The following SMURF2 variants were observed in gnomAD, a reference collection of about 807,000 sequenced individuals.
SMURF2 encodes the protein E3 ubiquitin-protein ligase SMURF2.
A neutral mutation model predicts 109.6 loss-of-function variants in SMURF2; 48 were observed. The observed-to-expected ratio is 0.44, with a 90% CI of 0.35 to 0.56. SMURF2 has a LOEUF of 0.56. SMURF2 is among the 20% of genes least tolerant of loss of function. SMURF2 has a pLI of 0.01. For missense variants in SMURF2, 575 were observed against 909.0 expected (o/e 0.63, Z 4.72); for synonymous variants, 288 against 317.1 (o/e 0.91, Z 0.97).
At chr17:64,661,740 G>A in intron 1 of SMURF2, 89 bp downstream of exon 1, 1 of 976,646 alleles carries the variant, frequency 1.0e-6, no homozygotes, top group Non-Finnish European at 1.3e-6. Flanking sequence ...ATCATTGATC[G>A]CGACCCTGGC....
intron 5 of SMURF2, among the ~76,000 whole-genome samples, chr17:64,587,290 A>G (rs1223119990): frequency 3.3e-5 from 5 of 152,254 alleles, no homozygotes; most frequent in Non-Finnish European, 7.3e-5. Context: ...ACAGGACACC[A>G]TTATCCAGTG....
intron 15 of SMURF2, among the ~76,000 whole-genome samples, chr17:64,554,023 AG>A (rs1969082650): frequency 6.6e-6 from 1 of 152,244 alleles, no homozygotes; most frequent in Non-Finnish European, 1.5e-5. Flanking sequence ...AAGCCAAATT[AG>A]CCCAATACAT....
At chr17:64,576,389 C>A (rs1969490661) in intron 9 of SMURF2, among the ~76,000 whole-genome samples, 1 of 151,976 alleles carries the variant, frequency 6.6e-6, no homozygotes, top group South Asian at 2.1e-4. Context: ...TAGGGCCAGG[C>A]ACAGTGGCTC....
rs782109881 is a variant in SMURF2, at chr17:64,598,425, C to G, written c.157G>C (p.Val53Leu). 6.2e-7 allele frequency: 1 copy of G among 1,609,690 alleles called. No individual in the cohort carries two copies. Among genetic ancestry groups the G allele is most frequent in the Non-Finnish European group, 8.5e-7 (1 of 1,178,872 alleles). Reference protein sequence around the residue: ...GSGQCHSTDTVKNTLDPKWNQ... With the variant: ...GSGQCHSTDTLKNTLDPKWNQ... ...CACTTTGGATCAAGCGTATTCTTCA[C>G]AGTATCTGTAGAATGGCATTGCCCA... Residue 53 changes from valine (V) to leucine (L), a missense_variant, in exon 3 of 19, where the codon GTG (valine) becomes CTG (leucine). Coordinates refer to ENST00000262435, the MANE Select transcript of SMURF2 (RefSeq NM_022739.4).
intron 1 of SMURF2, among the ~76,000 whole-genome samples, chr17:64,638,702 C>G (rs1970454476): frequency 6.6e-6 from 1 of 152,210 alleles, no homozygotes; most frequent in Non-Finnish European, 1.5e-5. Context: ...TAACCACACA[C>G]TTTGGGTGCC....
At chr17:64,649,017 A>T (rs1431323997) in intron 1 of SMURF2, among the ~76,000 whole-genome samples, 2 of 152,284 alleles carry the variant, frequency 1.3e-5, no homozygotes, top group East Asian at 3.9e-4. Context: ...TCTTCACTGG[A>T]GGAAGAAAGT....
chr17:64,588,567 T>C (rs1456532390), intron 5 of SMURF2, among the ~76,000 whole-genome samples: 1 of 152,116 alleles, frequency 6.6e-6, no homozygotes, highest in Admixed American at 6.5e-5. Flanking sequence ...TTTATATACA[T>C]ATTTATGTAT....
chr17:64,616,971 C>T (rs1970132443), intron 1 of SMURF2, among the ~76,000 whole-genome samples: 1 of 147,356 alleles, frequency 6.8e-6, no homozygotes, highest in South Asian at 2.2e-4. Flanking sequence ...GTCCCAGCTA[C>T]TCAGGAGGCT....
intron 1 of SMURF2, among the ~76,000 whole-genome samples, chr17:64,649,750 G>A (rs1048363519): frequency 6.6e-6 from 1 of 152,044 alleles, no homozygotes; most frequent in Non-Finnish European, 1.5e-5. Context: ...AGGCTGAGGT[G>A]GGAGAACTGC....
intron 15 of SMURF2, among the ~76,000 whole-genome samples, chr17:64,553,521 AC>A (rs529568920): frequency 4.4e-4 from 67 of 152,194 alleles, no homozygotes; most frequent in African/African-American, 1.4e-3. Flanking sequence ...ACCCAAAAAA[AC>A]AAAACAAAAA....
At chr17:64,594,234 A>AT (rs782540185) in intron 3 of SMURF2, 3 of 152,258 alleles carry the variant, frequency 2.0e-5, no homozygotes, top group Non-Finnish European at 2.9e-5. Flanking sequence ...ATAAAATAAC[A>AT]TGTCAGTAGA....
intron 10 of SMURF2, among the ~76,000 whole-genome samples, chr17:64,564,094 A>G (rs1969266624): frequency 6.6e-6 from 1 of 152,246 alleles, no homozygotes; most frequent in South Asian, 2.1e-4. Flanking sequence ...AGATTCTGCC[A>G]AAGAAGCCAT....
At chr17:64,644,891 TTC>T (rs1428850661) in intron 1 of SMURF2, among the ~76,000 whole-genome samples, 1 of 152,014 alleles carries the variant, frequency 6.6e-6, no homozygotes, top group Non-Finnish European at 1.5e-5. Flanking sequence ...GCGCCTGTAA[TTC>T]CAGCTACTCA....
At chr17:64,651,928 C>G (rs1970645172) in intron 1 of SMURF2, among the ~76,000 whole-genome samples, 1 of 152,138 alleles carries the variant, frequency 6.6e-6, no homozygotes, top group Admixed American at 6.6e-5. Flanking sequence ...AATAATAATA[C>G]AAGCAAAAAC....
intron 2 of SMURF2, among the ~76,000 whole-genome samples, chr17:64,601,413 T>C (rs1555688557): frequency 6.6e-6 from 1 of 152,024 alleles, no homozygotes; most frequent in Non-Finnish European, 1.5e-5. Context: ...AAAAAAGATA[T>C]ATCAACAAGA....
At chr17:64,597,132 A>C (rs1370476987) in intron 3 of SMURF2, among the ~76,000 whole-genome samples, 3 of 152,196 alleles carry the variant, frequency 2.0e-5, no homozygotes, top group Non-Finnish European at 4.4e-5. Context: ...TGGGCTGGGC[A>C]TCACAGCCCA....
At chr17:64,554,548 C>A (rs1209975734) in intron 15 of SMURF2, among the ~76,000 whole-genome samples, 1 of 152,160 alleles carries the variant, frequency 6.6e-6, no homozygotes, top group Non-Finnish European at 1.5e-5. Flanking sequence ...CCCCAGTCAA[C>A]AGCCATGCCA....
intron 1 of SMURF2, among the ~76,000 whole-genome samples, chr17:64,645,151 CAAG>C (rs1970543462): frequency 1.3e-5 from 2 of 152,140 alleles, no homozygotes; most frequent in Non-Finnish European, 2.9e-5. Context: ...TAAGAAAAGA[CAAG>C]GAGTTCAGAG....
chr17:64,617,447 A>G (rs1420141184), intron 1 of SMURF2, among the ~76,000 whole-genome samples: 5 of 152,194 alleles, frequency 3.3e-5, no homozygotes, highest in Non-Finnish European at 5.9e-5. Context: ...GCATTTAAAC[A>G]TTTCAACAAG....
Sources: gnomAD v4.1 joint callset for allele counts (sites outside exome capture counted in the v4.1 genomes callset) on GRCh38, gnomAD v4.1.1 for gene constraint, MANE v1.5 for transcripts, NCBI Gene and HGNC (gene_info 2026-07-23, HGNC 2026-07-21) for gene names.